DTL: variants seen among roughly 807,000 people sequenced by gnomAD.
DTL encodes the protein denticleless protein homolog.
In DTL, 46 loss-of-function variants were observed where a neutral mutation model predicts 87.0. The observed-to-expected ratio is 0.53, with a 90% confidence interval of 0.42 to 0.68. The LOEUF (loss-of-function observed/expected upper bound fraction) is 0.68. Among genes scored for constraint, DTL ranks in the 30% least tolerant of loss-of-function variants. The pLI, the probability that DTL is intolerant of heterozygous loss-of-function variation, is 0.00. For missense variants in DTL, 737 were observed against 869.4 expected, an observed-to-expected ratio of 0.85 and a Z score of 1.91; for synonymous variants, 308 against 311.2, an observed-to-expected ratio of 0.99 and a Z score of 0.11.
intron 6 of DTL, among the ~76,000 whole-genome samples, chr1:212,064,063 T>G (rs1190150525): frequency 3.3e-5 from 5 of 152,068 alleles, no homozygotes; most frequent in Admixed American, 2.6e-4. Context: ...CAGCTAGTTA[T>G]GTATTTTTAG....
chr1:212,088,693 G>T (rs1244091146), intron 13 of DTL, among the ~76,000 whole-genome samples: 2 of 152,364 alleles, frequency 1.3e-5, no homozygotes, highest in South Asian at 2.1e-4. Flanking sequence ...TACACAGCTT[G>T]TTCAGGAAGC....
chr1:212,036,376 C>T (rs1667461948), intron 1 of DTL, among the ~76,000 whole-genome samples: 1 of 152,092 alleles, frequency 6.6e-6, no homozygotes, highest in East Asian at 1.9e-4. Flanking sequence ...GAATATGACC[C>T]GCTGTTAAGG....
chr1:212,080,427 T>C, intron 12 of DTL, 188 bp from the exon 13 acceptor site: 1 of 531,672 alleles, frequency 1.9e-6, no homozygotes, highest in Non-Finnish European at 3.2e-6. Flanking sequence ...GTCAGCTTTG[T>C]TGGAAATCTG....
intron 5 of DTL, 111 bp from the exon 6 acceptor site, chr1:212,062,773 G>A (rs1443940728): frequency 2.7e-6 from 2 of 733,528 alleles, no homozygotes; most frequent in South Asian, 1.8e-5. Flanking sequence ...GATCTCCAGT[G>A]ACAGATACAG....
At chr1:212,041,533 T>C (rs1221908231) in intron 1 of DTL, among the ~76,000 whole-genome samples, 2 of 145,144 alleles carry the variant, frequency 1.4e-5, no homozygotes, top group African/African-American at 5.0e-5. Context: ...GGGGACGGAG[T>C]GTCGCTGTGT....
intron 1 of DTL, among the ~76,000 whole-genome samples, chr1:212,041,519 G>T (rs1017773308): frequency 1.8e-5 from 2 of 113,706 alleles, no homozygotes; most frequent in African/African-American, 3.4e-5. Context: ...GGGGGGTGGG[G>T]GGTGGGGACG....
chr1:212,083,943 CA>C (rs372985538), intron 13 of DTL, among the ~76,000 whole-genome samples: 7 of 152,180 alleles, frequency 4.6e-5, no homozygotes, highest in African/African-American at 1.7e-4. Context: ...GTGACTGTTT[CA>C]AACTGTCTTA....
chr1:212,057,155 C>G (rs2970596), intron 5 of DTL, among the ~76,000 whole-genome samples: 2 of 151,880 alleles, frequency 1.3e-5, no homozygotes, highest in African/African-American at 4.8e-5. Context: ...TCCAAGATCC[C>G]CACATGGATA....
At position 212,078,815 on chromosome 1, in the gene DTL, C is replaced by CA. The variant is rs1310624853; in HGVS notation, c.1125+560dup. Among the ~76,000 whole-genome samples the CA allele has an allele frequency of 1.3e-5, 2 of 151,852 alleles. 1 individual carries two copies. Among genetic ancestry groups the CA allele is most frequent in the Admixed American group, 1.3e-4 (2 of 15,232 alleles). ...TTTTTTATAGTGACACTTTAAGAAACAAAAAAACCCTAAAATGTAGAAAGG... is the reference window on the plus strand; with the variant it reads ...TTTTTTATAGTGACACTTTAAGAAACAAAAAAAACCCTAAAATGTAGAAAGG... On this transcript the variant is annotated intron_variant, in intron 12 of 14. Transcript: ENST00000366991.
At chr1:212,039,261 T>G (rs997105700) in intron 1 of DTL, among the ~76,000 whole-genome samples, 5 of 152,160 alleles carry the variant, frequency 3.3e-5, no homozygotes, top group Admixed American at 6.5e-5. Flanking sequence ...AAAAGTAAAA[T>G]TTTATTGGAA....
intron 3 of DTL, among the ~76,000 whole-genome samples, chr1:212,045,797 A>T (rs1047809471): frequency 6.6e-6 from 1 of 152,218 alleles, no homozygotes; most frequent in African/African-American, 2.4e-5. Flanking sequence ...GGAATAAGGT[A>T]TCGAGAACAG....
At chr1:212,088,392 T>G (rs1244891302) in intron 13 of DTL, among the ~76,000 whole-genome samples, 2 of 152,338 alleles carry the variant, frequency 1.3e-5, no homozygotes, top group East Asian at 3.9e-4. Flanking sequence ...ATAGGGGCAC[T>G]GGGCCTAAAG....
intron 1 of DTL, among the ~76,000 whole-genome samples, chr1:212,039,747 G>T (rs948156343): frequency 6.6e-6 from 1 of 152,114 alleles, no homozygotes; most frequent in Non-Finnish European, 1.5e-5. Context: ...ATTGAATACC[G>T]TAGGCAACTG....
At chr1:212,043,500 C>T (rs76132839) in intron 2 of DTL, among the ~76,000 whole-genome samples, 3,990 of 152,192 alleles carry the variant, frequency 0.026, 58 homozygotes, top group African/African-American at 0.047. Flanking sequence ...TTCAGCCAGG[C>T]TCAGTGGCTC....
Position 212,080,615 on chromosome 1 carries a change from A to T in DTL, c.1126A>T (p.Ile376Phe). ...VCWCPSDFTK[I>F]ATCSDDNTLK... is the part of the protein sequence containing the mutation. ...TTCCCTTCTTGGTACTCCCTCTTAGATTGCTACCTGTTCTGATGACAATAC... is the reference window on the plus strand; with the variant it reads ...TTCCCTTCTTGGTACTCCCTCTTAGTTTGCTACCTGTTCTGATGACAATAC... Residue 376 changes from isoleucine to phenylalanine, a missense_variant and splice_region_variant, in exon 13 of 15, where the codon ATT becomes TTT. Transcript: ENST00000366991. 6.2e-7 allele frequency: 1 copy of T among 1,610,104 alleles called. No individual in the cohort carries two copies. The highest frequency in any genetic ancestry group is 8.5e-7 in the Non-Finnish European group (1 of 1,178,514).
At chr1:212,101,144 T>C in intron 14 of DTL, 60 bp downstream of exon 14, 1 of 1,220,708 alleles carries the variant, frequency 8.2e-7, no homozygotes, top group Non-Finnish European at 1.1e-6. Flanking sequence ...GACACCCAGA[T>C]GTCTCAAGTC....
At chr1:212,093,537 TG>T (rs993861707) in intron 13 of DTL, among the ~76,000 whole-genome samples, 8 of 152,214 alleles carry the variant, frequency 5.3e-5, no homozygotes, top group Non-Finnish European at 8.8e-5. Flanking sequence ...CCCCTGGAGT[TG>T]GGCCCTTGGC....
chr1:212,086,530 C>T (rs896002199), intron 13 of DTL, among the ~76,000 whole-genome samples: 1 of 152,176 alleles, frequency 6.6e-6, no homozygotes, highest in African/African-American at 2.4e-5. Flanking sequence ...GCTGGGACTA[C>T]AGGCATGCAC....
chr1:212,049,687 C>G (rs1307855963), intron 5 of DTL, among the ~76,000 whole-genome samples: 1 of 152,168 alleles, frequency 6.6e-6, no homozygotes, highest in African/African-American at 2.4e-5. Context: ...TCCACTCACT[C>G]CATCAGCCAT....
Sources: gnomAD v4.1 joint callset for allele counts (sites outside exome capture counted in the v4.1 genomes callset) on GRCh38, gnomAD v4.1.1 for gene constraint, MANE v1.5 for transcripts, NCBI Gene and HGNC (gene_info 2026-07-23, HGNC 2026-07-21) for gene names.